Variants in CCDC14 observed in about 807,000 individuals in gnomAD.
CCDC14 encodes the protein coiled-coil domain-containing protein 14.
Under a neutral mutation model 81.4 loss-of-function variants are expected in CCDC14, and 71 were observed. The ratio of observed to expected loss-of-function variants is 0.87; its 90% CI spans 0.72 to 1.06. The LOEUF is 1.06. CCDC14 is among the 50% of genes least tolerant of loss of function. CCDC14 has a pLI of 0.00. For missense variants in CCDC14, 1,046 were observed against 1,047.3 expected (o/e 1.00, Z 0.02); for synonymous variants, 332 against 364.8 (o/e 0.91, Z 1.03).
At chr3:123,888,954 A>G in the CCDC14 span, among the ~76,000 whole-genome samples, 1 of 152,166 alleles carries the variant, frequency 6.6e-6, no homozygotes, top group Admixed American at 6.5e-5. Flanking sequence ...TAGTCTCCCA[A>G]TCTTAACTCA....
chr3:123,896,054 T>C (rs2034056593), downstream of CCDC14, among the ~76,000 whole-genome samples: 1 of 152,178 alleles, frequency 6.6e-6, no homozygotes, highest in African/African-American at 2.4e-5. Context: ...AAATAAAATG[T>C]GGTGCTACGG....
At chr3:123,893,592 G>A (rs2034019089), downstream of CCDC14, among the ~76,000 whole-genome samples, 1 of 152,014 alleles carries the variant, frequency 6.6e-6, no homozygotes, top group South Asian at 2.1e-4. Flanking sequence ...AACATACTTA[G>A]GAATGAAATT....
At chr3:123,934,738 A>G (rs186023705) in intron 9 of CCDC14, among the ~76,000 whole-genome samples, 15 of 152,324 alleles carry the variant, frequency 9.8e-5, no homozygotes, top group African/African-American at 3.6e-4. Context: ...TTATCTTTCC[A>G]GAATTACTTA....
chr3:123,913,275 T>C (rs7611960), downstream of CCDC14: 3,639 of 573,816 alleles, frequency 6.3e-3, 109 homozygotes, highest in African/African-American at 0.067. Context: ...CACTAATTAA[T>C]TGAACACACA....
Position 123,914,637 on chromosome 3 carries a change from C to T in CCDC14, c.*142G>A, listed in dbSNP as rs2034553049. 1 of 1,356,562 alleles carries T rather than the reference C, an allele frequency of 7.4e-7. No homozygotes were observed. Among genetic ancestry groups the T allele is most frequent in the African/African-American group, 1.5e-5 (1 of 67,532 alleles). The allele number at this position is 1,356,562 out of a possible 1,614,324, so 84.0% of individuals were successfully genotyped here. A position where few individuals can be genotyped will look rare whatever the true frequency, so the allele number is the denominator to read the frequency against. ...TATAAGCTCCTCAGTGTCAATATAT[C>T]TCAACAATACATTTATTACTTGTAC... is the stretch of plus-strand genomic sequence containing the variant. On this transcript the variant is annotated 3_prime_UTR_variant, in exon 13 of 13. Coordinates refer to ENST00000409697, the MANE Select transcript of CCDC14 (RefSeq NM_001366335.1).
At chr3:123,941,881 ATAAGAACCAC>A (rs1259217648) in intron 9 of CCDC14, among the ~76,000 whole-genome samples, 6 of 152,088 alleles carry the variant, frequency 3.9e-5, no homozygotes, top group African/African-American at 1.2e-4. Flanking sequence ...ACCGAAATAA[ATAAGAACCAC>A]TAATATTTTC....
chr3:123,909,365 T>C (rs140879801), downstream of CCDC14, among the ~76,000 whole-genome samples: 28 of 152,268 alleles, frequency 1.8e-4, no homozygotes, highest in African/African-American at 6.5e-4. Context: ...AAATGAGCCC[T>C]CTTACCCTTG....
chr3:123,934,618 CCT>C (rs772226893), intron 9 of CCDC14, among the ~76,000 whole-genome samples: 9 of 152,008 alleles, frequency 5.9e-5, no homozygotes, highest in Non-Finnish European at 1.2e-4. Context: ...ACAAATCTGC[CCT>C]GTTACAATGA....
intron 12 of CCDC14, among the ~76,000 whole-genome samples, chr3:123,920,783 C>T (rs1015772015): frequency 6.6e-6 from 1 of 152,124 alleles, no homozygotes; most frequent in Non-Finnish European, 1.5e-5. Context: ...TAATCATATT[C>T]TGAATACTCT....
At chr3:123,904,630 A>C (rs577449950) in intron 5 of CCDC14, among the ~76,000 whole-genome samples, 2 of 151,694 alleles carry the variant, frequency 1.3e-5, no homozygotes, top group South Asian at 4.2e-4. Context: ...AAGAAAAAAA[A>C]AAAAACCCTG....
downstream of CCDC14, among the ~76,000 whole-genome samples, chr3:123,892,716 AATT>A (rs1559750972): frequency 5.0e-4 from 14 of 27,858 alleles, no homozygotes; most frequent in Admixed American, 1.9e-3. Flanking sequence ...TGGGGACACA[AATT>A]CAAACCATTT....
At chr3:123,957,830 G>C (rs1412803081) in intron 1 of CCDC14, 1 of 151,996 alleles carries the variant, frequency 6.6e-6, no homozygotes, top group African/African-American at 2.4e-5. Flanking sequence ...ATAGACATGA[G>C]AAAGTCCCTG....
At chr3:123,921,740 G>T (rs2035059053) in intron 12 of CCDC14, among the ~76,000 whole-genome samples, 2 of 151,956 alleles carry the variant, frequency 1.3e-5, no homozygotes, top group East Asian at 3.8e-4. Context: ...GACAGCTGAT[G>T]AGCTTAAAAA....
At position 123,947,051 on chromosome 3, in the gene CCDC14, T is replaced by A. The variant is rs774288561; in HGVS notation, c.953A>T (p.His318Leu). ...SLFRSHGKET[H>L]LDSQTHRSPT... ...GCTTCGGTGTGTCTGACTGTCCAGA[T>A]GCGTTTCTTTTCCATGAGATCGAAA... Residue 318 changes from histidine to leucine, a missense_variant, in exon 8 of 13, where the codon CAT becomes CTT. His to Leu is a moderately conservative substitution (Grantham distance 99, BLOSUM62 -3). Coordinates refer to ENST00000409697, the MANE Select transcript of CCDC14 (RefSeq NM_001366335.1). The A allele has an allele frequency of 2.0e-5, 32 of 1,613,928 alleles. 1 individual carries two copies. In the South Asian group the frequency reaches 3.2e-4, roughly 16 times the overall value.
chr3:123,913,460 T>C lies in CCDC14; in HGVS notation c.*1319A>G, dbSNP rs2034494318. ...TTATTATTTTTTATTTCTGAACTTA[T>C]TTGTTAAAGAGTTGTGGCCTATTAC... On this transcript the variant is annotated 3_prime_UTR_variant, in exon 13 of 13. Coordinates refer to ENST00000409697, the MANE Select transcript of CCDC14 (RefSeq NM_001366335.1). 6.1e-6 allele frequency: 6 copies of C among 980,312 alleles called. No individual in the cohort carries two copies. The highest frequency in any genetic ancestry group is 3.5e-5 in the African/African-American group (2 of 57,082). 60.7% of individuals were successfully genotyped at this position (980,312 alleles called of 1,614,324 possible).
chr3:123,914,866 T>C lies in CCDC14; in HGVS notation c.2631A>G (p.Glu877=), dbSNP rs773740076. 17 of 1,612,294 alleles carry C rather than the reference T, an allele frequency of 1.1e-5. No individual in the cohort carries two copies. The highest frequency in any genetic ancestry group is 1.0e-4 in the Admixed American group (6 of 59,722). ...CCGCAAGGCCATTTCTGAAGTCTTG[T>C]TCATCACGAGAAGTGAACGTTGAAA... is the stretch of plus-strand genomic sequence containing the variant. ...SSFSTFTSRD[E]QDFRNGLAAL... Residue 877 remains glutamate (E), a synonymous_variant, in exon 13 of 13, where the codon GAA becomes GAG. Coordinates refer to ENST00000409697, the MANE Select transcript of CCDC14 (RefSeq NM_001366335.1).
At chr3:123,892,634 C>T (rs1388679603), downstream of CCDC14, among the ~76,000 whole-genome samples, 1 of 152,152 alleles carries the variant, frequency 6.6e-6, no homozygotes, top group Non-Finnish European at 1.5e-5. Flanking sequence ...AAGAACAGCA[C>T]AGGGGAAATC....
At chr3:123,922,798 A>T (rs1455798882) in intron 12 of CCDC14, among the ~76,000 whole-genome samples, 2 of 152,164 alleles carry the variant, frequency 1.3e-5, no homozygotes, top group African/African-American at 2.4e-5. Flanking sequence ...CATTTAAAGA[A>T]GGATTGAGAA....
intron 2 of CCDC14, 132 bp downstream of exon 2, chr3:123,956,608 T>C (rs2037340468): frequency 3.9e-6 from 3 of 770,788 alleles, no homozygotes; most frequent in Non-Finnish European, 4.2e-6. Context: ...TGGGTAGACA[T>C]GAAAAATTGT....
Sources: gnomAD v4.1 joint callset for allele counts (sites outside exome capture counted in the v4.1 genomes callset) on GRCh38, gnomAD v4.1.1 for gene constraint, MANE v1.5 for transcripts, NCBI Gene and HGNC (gene_info 2026-07-23, HGNC 2026-07-21) for gene names.